Variants in WWOX observed in about 807,000 individuals in gnomAD.
The protein encoded by WWOX is WW domain-containing oxidoreductase.
In WWOX, 69 loss-of-function variants were observed where a neutral mutation model predicts 46.2. That is an observed-to-expected ratio of 1.49 (90% CI 1.23 to 1.82). The LOEUF (loss-of-function observed/expected upper bound fraction) is 1.82, where lower values mean the gene tolerates loss of function less well. Ranked by LOEUF, WWOX falls within the 40% of genes most tolerant of loss-of-function variation. WWOX has a pLI of 0.00. For missense variants in WWOX, 919 were observed against 542.6 expected (o/e 1.69, Z -6.89); for synonymous variants, 359 against 202.6 (o/e 1.77, Z -6.56).
At chr16:78,894,648 C>G (rs554034217) in intron 8 of WWOX, among the ~76,000 whole-genome samples, 5 of 152,206 alleles carry the variant, frequency 3.3e-5, no homozygotes, top group South Asian at 2.1e-4. Flanking sequence ...TTATACCTAC[C>G]CAGCCTGCTT....
At chr16:78,203,161 C>A (rs911390992) in intron 5 of WWOX, among the ~76,000 whole-genome samples, 2 of 152,098 alleles carry the variant, frequency 1.3e-5, no homozygotes, top group Non-Finnish European at 2.9e-5. Flanking sequence ...GGCCTGGGAA[C>A]AGGTGAGAAA....
At chr16:78,478,229 G>A (rs997410081) in intron 8 of WWOX, among the ~76,000 whole-genome samples, 1 of 152,172 alleles carries the variant, frequency 6.6e-6, no homozygotes, top group Non-Finnish European at 1.5e-5. Context: ...AGTAAAGGCT[G>A]TTACAAAATA....
chr16:78,687,271 C>T (rs1437625791), intron 8 of WWOX, among the ~76,000 whole-genome samples: 2 of 152,164 alleles, frequency 1.3e-5, no homozygotes, highest in African/African-American at 2.4e-5. Flanking sequence ...ATGTTCTTAA[C>T]ATCTCCATGT....
intron 8 of WWOX, among the ~76,000 whole-genome samples, chr16:78,566,822 T>G (rs1386300023): frequency 2.0e-5 from 3 of 152,180 alleles, no homozygotes; most frequent in Non-Finnish European, 2.9e-5. Flanking sequence ...GCACATTGTT[T>G]GATTCATCAA....
intron 8 of WWOX, among the ~76,000 whole-genome samples, chr16:78,502,117 C>T (rs1160578428): frequency 1.3e-5 from 2 of 152,290 alleles, no homozygotes; most frequent in African/African-American, 4.8e-5. Context: ...GGCACACATC[C>T]ACTGGAGCTT....
intron 8 of WWOX, among the ~76,000 whole-genome samples, chr16:78,594,458 C>T (rs1016691988): frequency 1.4e-4 from 18 of 130,256 alleles, no homozygotes; most frequent in Non-Finnish European, 1.9e-4. Flanking sequence ...CAAATTGTCC[C>T]GTTGTCTCTT....
At chr16:78,774,262 G>A (rs1001849683) in intron 8 of WWOX, among the ~76,000 whole-genome samples, 5 of 152,116 alleles carry the variant, frequency 3.3e-5, no homozygotes, top group Admixed American at 2.6e-4. Context: ...TTAGCTGGGC[G>A]TGGTAGCAGG....
chr16:78,666,254 A>T (rs948279820), intron 8 of WWOX, among the ~76,000 whole-genome samples: 1 of 152,050 alleles, frequency 6.6e-6, no homozygotes, highest in Non-Finnish European at 1.5e-5. Flanking sequence ...CTGCCACTGC[A>T]CTCTAGCCTG....
chr16:78,728,881 G>T (rs541117704), intron 8 of WWOX, among the ~76,000 whole-genome samples: 6 of 152,280 alleles, frequency 3.9e-5, no homozygotes, highest in African/African-American at 9.6e-5. Flanking sequence ...GAGGTCACAA[G>T]AATAACAAAC....
chr16:79,091,062 A>T (rs2048949968), intron 8 of WWOX, among the ~76,000 whole-genome samples: 1 of 152,152 alleles, frequency 6.6e-6, no homozygotes, highest in Non-Finnish European at 1.5e-5. Context: ...TACTGGGATT[A>T]TAGGCACAAG....
intron 6 of WWOX, among the ~76,000 whole-genome samples, chr16:78,421,416 C>A (rs565552387): frequency 6.6e-6 from 1 of 152,140 alleles, no homozygotes; most frequent in Non-Finnish European, 1.5e-5. Context: ...TCCTTCTCCC[C>A]TTCTGTTTTG....
At chr16:78,657,461 G>T (rs1293846020) in intron 8 of WWOX, among the ~76,000 whole-genome samples, 1 of 152,152 alleles carries the variant, frequency 6.6e-6, no homozygotes, top group African/African-American at 2.4e-5. Flanking sequence ...GAGGGTCCAG[G>T]TGGTTCCCTG....
chr16:78,702,611 C>T (rs2048248180), intron 8 of WWOX, among the ~76,000 whole-genome samples: 1 of 150,112 alleles, frequency 6.7e-6, no homozygotes, highest in Non-Finnish European at 1.5e-5. Flanking sequence ...GCTGAGATTG[C>T]ACCACTGTAC....
chr16:78,702,006 A>AC (rs1567501575), intron 8 of WWOX, among the ~76,000 whole-genome samples: 1 of 40,440 alleles, frequency 2.5e-5, no homozygotes, highest in Non-Finnish European at 4.4e-5. Context: ...GCTACATAAA[A>AC]TTATATATAT....
chr16:78,986,460 G>A (rs1409156563), intron 8 of WWOX, among the ~76,000 whole-genome samples: 2 of 152,100 alleles, frequency 1.3e-5, no homozygotes, highest in Non-Finnish European at 2.9e-5. Flanking sequence ...AGTAGGTTGG[G>A]GCTGTGCTGA....
rs115164930 is a variant in WWOX at position 78,818,144 on chromosome 16, G to C, written c.1056+385392G>C. Among the ~76,000 whole-genome samples, 505 of 152,324 alleles carry C rather than the reference G, an allele frequency of 3.3e-3. 3 individuals carry two copies. The highest frequency in any genetic ancestry group is 0.012 in the African/African-American group (489 of 41,578). ...CCTGCCTTGACTCGTGATTGGGTGG[G>C]CTGCCCCAGGAAGGATGTGCCCTTG... On this transcript the variant is annotated intron_variant, in intron 8 of 8. Coordinates refer to ENST00000566780, the MANE Select transcript of WWOX (RefSeq NM_016373.4).
intron 8 of WWOX, among the ~76,000 whole-genome samples, chr16:78,985,048 C>G (rs1567460240): frequency 6.6e-6 from 1 of 152,160 alleles, no homozygotes; most frequent in Non-Finnish European, 1.5e-5. Flanking sequence ...CCCCCTCCAC[C>G]CCGCTCTGTC....
chr16:78,673,327 G>C (rs747132015), intron 8 of WWOX, among the ~76,000 whole-genome samples: 2 of 152,228 alleles, frequency 1.3e-5, no homozygotes, highest in Non-Finnish European at 2.9e-5. Flanking sequence ...CTTTCTCTGA[G>C]TAGCAGAGAG....
chr16:78,795,349 C>G (rs921845989), intron 8 of WWOX, among the ~76,000 whole-genome samples: 5 of 152,146 alleles, frequency 3.3e-5, no homozygotes, highest in African/African-American at 7.2e-5. Context: ...AAAGCTGACT[C>G]TTTAACACCA....
Sources: gnomAD v4.1 joint callset for allele counts (sites outside exome capture counted in the v4.1 genomes callset) on GRCh38, gnomAD v4.1.1 for gene constraint, MANE v1.5 for transcripts, NCBI Gene and HGNC (gene_info 2026-07-23, HGNC 2026-07-21) for gene names.